Variants in KIAA2012 observed in about 807,000 individuals in gnomAD.
KIAA2012 encodes the protein KIAA2012.
KIAA2012 carries 125 observed loss-of-function variants against 150.6 expected under a neutral mutation model. That is an observed-to-expected ratio of 0.83 (90% confidence interval 0.72 to 0.96). The LOEUF (loss-of-function observed/expected upper bound fraction) is 0.96. KIAA2012 is among the 40% of genes least tolerant of loss of function. KIAA2012 has a pLI of 0.00. For missense variants in KIAA2012, 1,219 were observed against 1,354.9 expected (o/e 0.90, Z 1.57); for synonymous variants, 462 against 504.7 (o/e 0.92, Z 1.13).
intron 13 of KIAA2012, among the ~76,000 whole-genome samples, chr2:202,148,606 C>G (rs982421027): frequency 3.9e-5 from 6 of 152,232 alleles, no homozygotes; most frequent in Non-Finnish European, 8.8e-5. Flanking sequence ...GACTGCTGGG[C>G]ACATTTGTGT....
intron 15 of KIAA2012, among the ~76,000 whole-genome samples, chr2:202,178,499 A>C (rs1692043941): frequency 6.6e-6 from 1 of 152,178 alleles, no homozygotes; most frequent in Non-Finnish European, 1.5e-5. Flanking sequence ...AAGTTTCACC[A>C]ATGTACAACC....
chr2:202,196,186 C>CTTTTCTTTTTTTTTTTTTTTTTTTTT (rs59455367), intron 21 of KIAA2012, among the ~76,000 whole-genome samples: 3 of 79,702 alleles, frequency 3.8e-5, no homozygotes, highest in African/African-American at 6.1e-5. Context: ...CTTTTCTTTT[C>CTTTTCTTTTTTTTTTTTTTTTTTTTT]TTTTTTTTTT....
In KIAA2012 at chr2:202,194,315, T is replaced by A. The variant is rs569922395; in HGVS notation, c.3140T>A (p.Leu1047Gln). 6.5e-7 allele frequency: 1 copy of A among 1,550,368 alleles called. No individual in the cohort carries two copies. The highest frequency in any genetic ancestry group is 8.7e-7 in the Non-Finnish European group (1 of 1,146,974). ...CAGCAAGAGGAGTTTCGGAGGAAAC[T>A]GCGAGAACTACAGAGAAAAAAGCAG... ...RQQQEEFRRK[L>Q]RELQRKKQQE... Residue 1047 changes from leucine to glutamine, a missense_variant, in exon 21 of 24, where the codon CTG becomes CAG. Physicochemically the swap from Leu to Gln is moderately radical, Grantham distance 113. Coordinates refer to ENST00000498697, the MANE Select transcript of KIAA2012 (RefSeq NM_001277372.4).
At chr2:202,133,218 T>C (rs1690998436) in intron 12 of KIAA2012, among the ~76,000 whole-genome samples, 1 of 149,890 alleles carries the variant, frequency 6.7e-6, no homozygotes, top group Non-Finnish European at 1.5e-5. Context: ...GCCTTTTTTC[T>C]GAATTACTTT....
intron 19 of KIAA2012, among the ~76,000 whole-genome samples, chr2:202,192,677 G>A (rs1692344274): frequency 1.3e-5 from 2 of 152,018 alleles, no homozygotes; most frequent in African/African-American, 4.8e-5. Flanking sequence ...TGCTGGCCTG[G>A]AACTCCTGAC....
At chr2:202,098,939 G>C (rs192937093) in intron 5 of KIAA2012, among the ~76,000 whole-genome samples, 1 of 151,324 alleles carries the variant, frequency 6.6e-6, no homozygotes, top group Middle Eastern at 3.4e-3. Flanking sequence ...AAGAGGAAAG[G>C]GGGAGAAGAG....
rs576237761 is a variant in KIAA2012 at position 202,185,674 on chromosome 2, T to A, written c.2210+831T>A. The stretch of plus-strand genomic sequence containing the variant: ...AAAAAACACAAACTTTTCACAAAAG[T>A]CATCATAGCCTTTGTGACTTAATTT... On this transcript the variant is annotated intron_variant, in intron 16 of 23. Coordinates refer to ENST00000498697, the MANE Select transcript of KIAA2012 (RefSeq NM_001277372.4). Among the ~76,000 whole-genome samples the A allele has an allele frequency of 2.0e-5, 3 of 151,998 alleles. No homozygotes were observed. The South Asian group carries it at 6.2e-4, about 32-fold the overall frequency.
chr2:202,086,279 G>A (rs933791617), intron 2 of KIAA2012, among the ~76,000 whole-genome samples: 1 of 151,978 alleles, frequency 6.6e-6, no homozygotes, highest in Non-Finnish European at 1.5e-5. Context: ...TCCGCACAGG[G>A]GCCACAGCAT....
chr2:202,140,478 C>G lies in KIAA2012; in HGVS notation c.1908+1970C>G, dbSNP rs1437420260. On this transcript the variant is annotated intron_variant, in intron 13 of 23. Transcript: ENST00000498697. ...GTAGTCCCAATTCCTTTAGAAGCAG[C>G]CCTGGAAAGAAAGGGCATCTGAGGA... Among the ~76,000 whole-genome samples the G allele has an allele frequency of 3.3e-5, 5 of 152,110 alleles. No homozygotes were observed. The East Asian group carries it at 9.7e-4, about 30-fold the overall frequency.
At chr2:202,179,472 G>A (rs1692071870) in intron 15 of KIAA2012, 2 of 708,650 alleles carry the variant, frequency 2.8e-6, no homozygotes, top group Non-Finnish European at 5.3e-6. Flanking sequence ...TATGATGAGC[G>A]AAGTGTAGAC....
intron 12 of KIAA2012, among the ~76,000 whole-genome samples, chr2:202,128,395 A>T (rs1690846921): frequency 6.6e-6 from 1 of 151,392 alleles, no homozygotes; most frequent in Admixed American, 6.6e-5. Flanking sequence ...CCTCCTGAGT[A>T]GCTGGGACTA....
At chr2:202,074,797 A>G (rs1280937890) in intron 1 of KIAA2012, 94 bp from the exon 2 acceptor site, 1 of 1,268,620 alleles carries the variant, frequency 7.9e-7, no homozygotes, top group Non-Finnish European at 1.1e-6. Context: ...GAAAATCAGT[A>G]ACTAAAAAAA....
At position 202,129,453 on chromosome 2, in the gene KIAA2012, C is replaced by T. The variant is rs550709591; in HGVS notation, c.1831+4171C>T. On this transcript the variant is annotated intron_variant, in intron 12 of 23. Transcript: ENST00000498697. ...CAGGCTGGTCTCGAACTCCTGACCT[C>T]AGGTGATCCACCCGCCTCGGCCTCC... Among the ~76,000 whole-genome samples, 16 of 152,228 alleles carry T rather than the reference C, an allele frequency of 1.1e-4. No homozygotes were observed. In the South Asian group the frequency reaches 2.1e-3, roughly 20 times the overall value.
At chr2:202,076,940 G>A (rs984976683) in intron 2 of KIAA2012, 4 of 456,538 alleles carry the variant, frequency 8.8e-6, no homozygotes, top group African/African-American at 2.0e-5. Flanking sequence ...AGTTGAATTT[G>A]CCAATGGGAG....
At chr2:202,178,202 A>AAAAG (rs148733507) in intron 15 of KIAA2012, among the ~76,000 whole-genome samples, 14,206 of 151,970 alleles carry the variant, frequency 0.093, 881 homozygotes, top group South Asian at 0.23. Context: ...CTGTCTCAGA[A>AAAAG]AAAGAAAGAA....
rs557007018 is a variant in KIAA2012 at position 202,099,831 on chromosome 2, T to C, written c.1012+35T>C. On this transcript the variant is annotated intron_variant, in intron 6 of 23. Transcript: ENST00000498697. ...CAAATGTCTTGCTCATTGATCTGGG[T>C]AAAGCCAGTCATGCAGAGTTCATTT... 20 of 1,515,080 alleles carry C rather than the reference T, an allele frequency of 1.3e-5. No individual in the cohort carries two copies. The East Asian group carries it at 4.4e-4, about 34-fold the overall frequency. The allele number at this position is 1,515,080 out of a possible 1,614,324, so 93.9% of individuals were successfully genotyped here. A position where few individuals can be genotyped will look rare whatever the true frequency, so the allele number is the denominator to read the frequency against.
chr2:202,082,221 G>A (rs1175276594), intron 2 of KIAA2012, among the ~76,000 whole-genome samples: 1 of 151,950 alleles, frequency 6.6e-6, no homozygotes, highest in Non-Finnish European at 1.5e-5. Context: ...CTGAATAATT[G>A]GTTCATGCCT....
chr2:202,108,308 A>G (rs986405580), intron 9 of KIAA2012, among the ~76,000 whole-genome samples: 4 of 152,224 alleles, frequency 2.6e-5, no homozygotes, highest in Admixed American at 6.5e-5. Context: ...TCCTAAGTCC[A>G]GGAATATTCT....
intron 15 of KIAA2012, among the ~76,000 whole-genome samples, chr2:202,181,316 C>G (rs1340449208): frequency 6.6e-6 from 1 of 152,206 alleles, no homozygotes; most frequent in Non-Finnish European, 1.5e-5. Context: ...CAGCTTATGC[C>G]TGTCATGTCA....
Sources: allele counts gnomAD v4.1 joint callset (sites outside exome capture counted in the v4.1 genomes callset), GRCh38; gene constraint gnomAD v4.1.1; transcripts MANE v1.5; gene names NCBI Gene and HGNC (gene_info 2026-07-23, HGNC 2026-07-21).